Variants in KLF8 observed in about 807,000 individuals in gnomAD.
KLF8 encodes the protein KLF transcription factor 8.
A neutral mutation model predicts 18.2 loss-of-function variants in KLF8; 10 were observed. The observed-to-expected ratio is 0.55, with a 90% CI of 0.34 to 0.93. The LOEUF (loss-of-function observed/expected upper bound fraction) is 0.93, where lower values mean the gene tolerates loss of function less well. Ranked by LOEUF, KLF8 falls within the 40% of genes least tolerant of loss-of-function variation. The probability of loss-of-function intolerance (pLI) is 0.02; values close to 1 mark genes in which losing one functional copy is unlikely to be tolerated. For synonymous variants in KLF8, 109 were observed against 97.3 expected (o/e 1.12, Z -0.71); for missense variants, 264 against 277.9 (o/e 0.95, Z 0.36).
At chrX:56,001,120 G>C in the KLF8 span, among the ~76,000 whole-genome samples, 1 of 112,008 alleles carries the variant, frequency 8.9e-6, no homozygotes, top group Non-Finnish European at 1.9e-5. Flanking sequence ...TGCTATCTCT[G>C]GAAATGGCCA....
intron 3 of KLF8, chrX:56,268,572 C>T (rs1204049914): frequency 4.3e-6 from 1 of 231,142 alleles, no homozygotes; most frequent in South Asian, 2.1e-4. Context: ...GATACCGATA[C>T]ATGTATATCA....
At chrX:56,127,316 T>A in the KLF8 span, among the ~76,000 whole-genome samples, 1 of 111,339 alleles carries the variant, frequency 9.0e-6, no homozygotes, top group African/African-American at 3.3e-5. Flanking sequence ...TTAAACACTG[T>A]AGCACTACAG....
At chrX:56,165,741 G>C in the KLF8 span, among the ~76,000 whole-genome samples, 392 of 110,445 alleles carry the variant, frequency 3.5e-3, 1 homozygote, top group Middle Eastern at 4.7e-3. Context: ...CATGCTGGTA[G>C]TCCTGGCTAT....
the KLF8 span, among the ~76,000 whole-genome samples, chrX:56,053,796 G>T: frequency 2.7e-5 from 3 of 110,339 alleles, no homozygotes; most frequent in Middle Eastern, 4.7e-3. Flanking sequence ...TATATGCATT[G>T]TGGGTTATTA....
At chrX:56,013,994 T>C in the KLF8 span, among the ~76,000 whole-genome samples, 8 of 111,466 alleles carry the variant, frequency 7.2e-5, no homozygotes, top group African/African-American at 2.6e-4. Flanking sequence ...TCAAAATGGA[T>C]GAAACACTTA....
chrX:55,941,042 AC>A, the KLF8 span, among the ~76,000 whole-genome samples: 1 of 111,775 alleles, frequency 8.9e-6, no homozygotes, highest in Non-Finnish European at 1.9e-5. Flanking sequence ...TTCATATGGA[AC>A]CAAAAAAGAG....
the KLF8 span, among the ~76,000 whole-genome samples, chrX:56,020,693 A>C: frequency 2.7e-5 from 3 of 111,780 alleles, no homozygotes; most frequent in South Asian, 1.1e-3. Flanking sequence ...GAACATTTAG[A>C]TAGACGGCCT....
the KLF8 span, among the ~76,000 whole-genome samples, chrX:56,073,655 T>C: frequency 8.9e-6 from 1 of 112,079 alleles, no homozygotes; most frequent in Non-Finnish European, 1.9e-5. Context: ...CCAACACTTA[T>C]TTTCCATGTT....
chrX:56,128,320 A>G, the KLF8 span, among the ~76,000 whole-genome samples: 1 of 111,750 alleles, frequency 8.9e-6, no homozygotes, highest in Non-Finnish European at 1.9e-5. Context: ...GGCCTGGTTT[A>G]TGTTCCTGGG....
the KLF8 span, among the ~76,000 whole-genome samples, chrX:55,967,716 T>C: frequency 5.6e-4 from 63 of 111,732 alleles, no homozygotes; most frequent in African/African-American, 2.0e-3. Flanking sequence ...AAACACATAA[T>C]ATTATAACAT....
chrX:56,165,285 C>A, the KLF8 span, among the ~76,000 whole-genome samples: 2 of 111,895 alleles, frequency 1.8e-5, no homozygotes, highest in Non-Finnish European at 3.8e-5. Context: ...AAGCCAGATT[C>A]GAAGCCAACC....
the KLF8 span, among the ~76,000 whole-genome samples, chrX:56,053,915 A>C: frequency 9.1e-6 from 1 of 110,388 alleles, no homozygotes; most frequent in Non-Finnish European, 1.9e-5. Flanking sequence ...CATTCTAGCT[A>C]GCTATGCACT....
the KLF8 span, among the ~76,000 whole-genome samples, chrX:55,942,325 C>A: frequency 2.8e-5 from 3 of 108,546 alleles, no homozygotes; most frequent in Admixed American, 1.0e-4. Flanking sequence ...AATGAGTACG[C>A]ATGGACACAA....
chrX:56,161,921 A>T, the KLF8 span, among the ~76,000 whole-genome samples: 1 of 111,073 alleles, frequency 9.0e-6, no homozygotes, highest in Non-Finnish European at 1.9e-5. Context: ...TTGGTCTTTG[A>T]TGATGGTGAC....
chrX:55,970,606 G>T, the KLF8 span, among the ~76,000 whole-genome samples: 3 of 111,558 alleles, frequency 2.7e-5, no homozygotes, highest in Admixed American at 1.9e-4. Context: ...ATCCAAATTG[G>T]AAAGGAAGAT....
chrX:56,213,269 TTTTTCTTTTGTTTTCTTTTC>T, the KLF8 span, among the ~76,000 whole-genome samples: 219 of 98,588 alleles, frequency 2.2e-3, no homozygotes, highest in African/African-American at 8.9e-3. Flanking sequence ...GACCTATTTC[TTTTTCTTTTGTTTTCTTTTC>T]TTTTCTTTTC....
chrX:55,972,300 C>T, the KLF8 span, among the ~76,000 whole-genome samples: 2 of 111,053 alleles, frequency 1.8e-5, no homozygotes, highest in South Asian at 7.6e-4. Context: ...ACAAACTTTG[C>T]ATGTTCTCAG....
the KLF8 span, among the ~76,000 whole-genome samples, chrX:56,181,326 C>T: frequency 9.0e-6 from 1 of 111,198 alleles, no homozygotes; most frequent in Non-Finnish European, 1.9e-5. Flanking sequence ...GTAGATCTTC[C>T]TCCATCCCTT....
At chrX:56,166,303 T>G in the KLF8 span, among the ~76,000 whole-genome samples, 1 of 111,899 alleles carries the variant, frequency 8.9e-6, no homozygotes, top group African/African-American at 3.2e-5. Context: ...TTTTTAAAAC[T>G]AAAATGTATG....
Sources: gnomAD v4.1 joint callset for allele counts (sites outside exome capture counted in the v4.1 genomes callset) on GRCh38, gnomAD v4.1.1 for gene constraint, MANE v1.5 for transcripts, NCBI Gene and HGNC (gene_info 2026-07-23, HGNC 2026-07-21) for gene names.